FBXL16: variants seen among roughly 807,000 people sequenced by gnomAD.
FBXL16 encodes F-box/LRR-repeat protein 16.
FBXL16 carries 7 observed loss-of-function variants against 36.7 expected under a neutral mutation model. The ratio of observed to expected loss-of-function variants is 0.19; its 90% CI spans 0.11 to 0.36. The LOEUF (loss-of-function observed/expected upper bound fraction) is 0.36. Among genes scored for constraint, FBXL16 ranks in the 10% least tolerant of loss-of-function variants. FBXL16 has a pLI of 1.00. For missense variants in FBXL16, 463 were observed against 659.4 expected (o/e 0.70, Z 3.26); for synonymous variants, 355 against 308.7 (o/e 1.15, Z -1.57).
chr16:700,903 C>A (rs1370293331), intron 1 of FBXL16, among the ~76,000 whole-genome samples: 1 of 152,182 alleles, frequency 6.6e-6, no homozygotes, highest in Non-Finnish European at 1.5e-5. Context: ...CGGCAGCCCC[C>A]GCTCAGCAGG....
chr16:703,600 T>A lies in FBXL16; in HGVS notation c.-15+1912A>T, dbSNP rs947649735. On this transcript the variant is annotated intron_variant, in intron 1 of 5. Transcript: ENST00000397621. ...ACTGACACATTCCGTGGCAGCCCCG[T>A]GACGCAGGCACACCCGCGTCCCTGC... 5.3e-5 allele frequency among the ~76,000 whole-genome samples: 8 copies of A among 152,180 alleles called. No homozygotes were observed. The East Asian group carries it at 9.7e-4, about 18-fold the overall frequency.
At chr16:695,364 G>A (rs1462361949) in intron 3 of FBXL16, 51 bp downstream of exon 3, 6 of 1,289,040 alleles carry the variant, frequency 4.7e-6, no homozygotes, top group Admixed American at 3.7e-5. Flanking sequence ...GCCCCGCCCC[G>A]TGCAGCCCCG....
chr16:696,120 A>C (rs1455829431), intron 2 of FBXL16, 197 bp from the exon 3 acceptor site: 6 of 727,764 alleles, frequency 8.2e-6, no homozygotes, highest in Non-Finnish European at 1.3e-5. Flanking sequence ...CGTTACAATT[A>C]GACTCCAGAC....
chr16:703,425 C>T (rs999300259), intron 1 of FBXL16, among the ~76,000 whole-genome samples: 1 of 152,222 alleles, frequency 6.6e-6, no homozygotes, highest in Non-Finnish European at 1.5e-5. Context: ...CTCATAGAAC[C>T]TCAGGGACCA....
Position 705,637 on chromosome 16 carries a change from C to A in FBXL16, c.-140G>T, listed in dbSNP as rs1163464485. 6.7e-6 allele frequency: 1 copy of A among 148,714 alleles called. No homozygotes were observed. Among genetic ancestry groups the A allele is most frequent in the Admixed American group, 6.7e-5 (1 of 15,016 alleles). 9.2% of individuals were successfully genotyped at this position (148,714 alleles called of 1,614,324 possible). ...TGGACTGGCCGGCAGGGCCCGGCCG[C>A]GCCCTGCGCCCCGCGTCCCGTCCTG... is the stretch of plus-strand genomic sequence containing the variant. On this transcript the variant is annotated 5_prime_UTR_variant, in exon 1 of 6. Transcript: ENST00000397621.
At position 697,514 on chromosome 16, in the gene FBXL16, G is replaced by A. The variant is rs373282576; in HGVS notation, c.-14-95C>T. The A allele has an allele frequency of 2.6e-4, 363 of 1,417,490 alleles. 2 individuals carry two copies. The East Asian group carries it at 7.1e-3, about 28-fold the overall frequency. 87.8% of individuals were successfully genotyped at this position (1,417,490 alleles called of 1,614,324 possible). On this transcript the variant is annotated intron_variant, in intron 1 of 5. Transcript: ENST00000397621. This position sits in a 1 kb window ranked among gnomAD's most constrained non-coding sequence, Gnocchi z 4.6. Reference sequence around the variant, plus strand: ...GCAGTGGGGCTCCTTCCCTCCTTGGGCGTCCCTATGGTGCTCCCAGAACCA... The same window carrying A: ...GCAGTGGGGCTCCTTCCCTCCTTGGACGTCCCTATGGTGCTCCCAGAACCA...
intron 1 of FBXL16, among the ~76,000 whole-genome samples, chr16:701,851 C>T (rs2040059711): frequency 6.6e-6 from 1 of 152,208 alleles, no homozygotes; most frequent in Non-Finnish European, 1.5e-5. Flanking sequence ...GGTGCTGGCT[C>T]AGCTTGAAGT....
At chr16:702,266 T>C (rs2040063208) in intron 1 of FBXL16, among the ~76,000 whole-genome samples, 2 of 152,106 alleles carry the variant, frequency 1.3e-5, no homozygotes, top group Non-Finnish European at 2.9e-5. Flanking sequence ...GCACACGCCG[T>C]TCCCCCTGCT....
At position 697,690 on chromosome 16, in the gene FBXL16, T is replaced by C. The variant is rs1246398648; in HGVS notation, c.-14-271A>G. Among the ~76,000 whole-genome samples the C allele has an allele frequency of 2.0e-5, 3 of 152,168 alleles. No homozygotes were observed. Among genetic ancestry groups the C allele is most frequent in the African/African-American group, 7.2e-5 (3 of 41,456 alleles). On this transcript the variant is annotated intron_variant, in intron 1 of 5. Transcript: ENST00000397621. This position sits in a 1 kb window ranked among gnomAD's most constrained non-coding sequence, Gnocchi z 4.6. ...GCCCATGGACACCCTCTTTTTCTTTTGTTTTTTTTCTTTTTGAAACAGAGT... is the reference window on the plus strand; with the variant it reads ...GCCCATGGACACCCTCTTTTTCTTTCGTTTTTTTTCTTTTTGAAACAGAGT...
chr16:700,869 GGGCAGCCCCGCAATCCCAAATCCC>G (rs1254849618), intron 1 of FBXL16, among the ~76,000 whole-genome samples: 1 of 152,166 alleles, frequency 6.6e-6, no homozygotes, highest in African/African-American at 2.4e-5. Flanking sequence ...TGCGGGGTCG[GGGCAGCCCCGCAATCCCAAATCCC>G]GGCAGCCCCC....
Position 697,115 on chromosome 16 carries a change from C to A in FBXL16, c.291G>T (p.Thr97=). ...GHPAERPPLA[T]DEKILNGLFW... is the part of the protein sequence containing the mutation. ...AGAGCCCATTGAGGATCTTCTCGTCCGTGGCCAGCGGCGGCCGCTCCGCTG... is the reference window on the plus strand; with the variant it reads ...AGAGCCCATTGAGGATCTTCTCGTCAGTGGCCAGCGGCGGCCGCTCCGCTG... Residue 97 remains threonine, a synonymous_variant, in exon 2 of 6, where the codon ACG becomes ACT. Transcript: ENST00000397621. The surrounding 1 kb of genome is among the most constrained non-coding windows in gnomAD (Gnocchi z 4.6). 6.2e-7 allele frequency: 1 copy of A among 1,607,174 alleles called. No individual in the cohort carries two copies. Among genetic ancestry groups the A allele is most frequent in the Middle Eastern group, 1.7e-4 (1 of 6,032 alleles).
intron 2 of FBXL16, 84 bp from the exon 3 acceptor site, chr16:696,007 G>C: frequency 1.4e-6 from 2 of 1,477,644 alleles, no homozygotes; most frequent in Non-Finnish European, 1.8e-6. Flanking sequence ...TAAACATGCA[G>C]GGAGCTGAAC....
chr16:695,257 C>A, intron 3 of FBXL16, 158 bp downstream of exon 3: 1 of 1,156,636 alleles, frequency 8.6e-7, no homozygotes. Context: ...TGCGGTTCTG[C>A]GGTTCCCACT....
intron 1 of FBXL16, among the ~76,000 whole-genome samples, chr16:700,823 A>G (rs2040050665): frequency 6.6e-6 from 1 of 152,038 alleles, no homozygotes; most frequent in Non-Finnish European, 1.5e-5. Flanking sequence ...CCGCGCGCTC[A>G]GGGCCAGGCC....
At position 705,515 on chromosome 16, in the gene FBXL16, G is replaced by A. The variant is rs1305950768; in HGVS notation, c.-18C>T. Reference sequence around the variant, plus strand: ...CCCGGCCGCACGCGCACCTTACCTCGGCCCGGGCTCCTGGCTCATGCCACG... The same window carrying A: ...CCCGGCCGCACGCGCACCTTACCTCAGCCCGGGCTCCTGGCTCATGCCACG... On this transcript the variant is annotated 5_prime_UTR_variant, in exon 1 of 6. Coordinates refer to ENST00000397621, the MANE Select transcript of FBXL16 (RefSeq NM_153350.4). 4 of 142,396 alleles carry A rather than the reference G, an allele frequency of 2.8e-5. No homozygotes were observed. Among genetic ancestry groups the A allele is most frequent in the African/African-American group, 1.0e-4 (4 of 38,322 alleles). 8.8% of individuals were successfully genotyped at this position (142,396 alleles called of 1,614,324 possible). A position where few individuals can be genotyped will look rare whatever the true frequency, so the allele number is the denominator to read the frequency against.
rs1229521733 is a variant in FBXL16 at position 694,332 on chromosome 16, G to C, written c.1383C>G (p.Thr461=). 1 of 1,512,846 alleles carries C rather than the reference G, an allele frequency of 6.6e-7. No individual in the cohort carries two copies. The highest frequency in any genetic ancestry group is 8.8e-7 in the Non-Finnish European group (1 of 1,136,984). The allele number at this position is 1,512,846 out of a possible 1,614,324, so 93.7% of individuals were successfully genotyped here. A position where few individuals can be genotyped will look rare whatever the true frequency, so the allele number is the denominator to read the frequency against. The part of the protein sequence containing the change: ...ELELTNCPGA[T]PELFKYFSQH... ...GCGAGAAATACTTGAAGAGCTCGGGGGTGGCCCCGGGGCAGTTGGTCAGCT... is the reference window on the plus strand; with the variant it reads ...GCGAGAAATACTTGAAGAGCTCGGGCGTGGCCCCGGGGCAGTTGGTCAGCT... The change falls in exon 6 of 6, where the codon ACC becomes ACG. Residue 461 remains threonine (T), a synonymous_variant. Coordinates refer to ENST00000397621, the MANE Select transcript of FBXL16 (RefSeq NM_153350.4).
At chr16:695,349 G>C in intron 3 of FBXL16, 66 bp downstream of exon 3, 10 of 1,040,026 alleles carry the variant, frequency 9.6e-6, no homozygotes, top group African/African-American at 3.6e-5. Flanking sequence ...GTGCAGCCCC[G>C]CCCCGCCCCG....
At position 694,286 on chromosome 16, in the gene FBXL16, C is replaced by G. The variant is rs372045983; in HGVS notation, c.1429G>C (p.Val477Leu). Residue 477 changes from valine (V) to leucine (L), a missense_variant, in exon 6 of 6, where the codon GTC becomes CTC. By Grantham distance (32) the Val-to-Leu change is conservative. Transcript: ENST00000397621. ...GCGGGGGCCTCGCGCTACTCAATGACGAGGCAGCGGGGCAGGTGCTGCGAG... is the reference window on the plus strand; with the variant it reads ...GCGGGGGCCTCGCGCTACTCAATGAGGAGGCAGCGGGGCAGGTGCTGCGAG... ...YFSQHLPRCLVIE is the reference protein window; with the variant it reads ...YFSQHLPRCLLIE 162 of 1,424,664 alleles carry G rather than the reference C, an allele frequency of 1.1e-4. 2 individuals are homozygous for G. The highest frequency in any genetic ancestry group is 5.9e-5 in the Admixed American group (2 of 34,178). The allele number at this position is 1,424,664 out of a possible 1,614,324, so 88.3% of individuals were successfully genotyped here. A position where few individuals can be genotyped will look rare whatever the true frequency, so the allele number is the denominator to read the frequency against.
At chr16:700,207 G>A in intron 1 of FBXL16, among the ~76,000 whole-genome samples, 1 of 152,204 alleles carries the variant, frequency 6.6e-6, no homozygotes. Context: ...CAGAACACGT[G>A]GCCCTCGTGG....
Sources: gnomAD v4.1 joint callset for allele counts (sites outside exome capture counted in the v4.1 genomes callset) on GRCh38, gnomAD v4.1.1 for gene constraint, Gnocchi (gnomAD v3.1) non-coding constraint, MANE v1.5 for transcripts, NCBI Gene and HGNC (gene_info 2026-07-23, HGNC 2026-07-21) for gene names.